The following ITSN1 variants were observed in gnomAD, a reference collection of about 807,000 sequenced individuals.
The protein encoded by ITSN1 is intersectin 1, also known as intersectin-1.
ITSN1 carries 58 observed loss-of-function variants against 239.8 expected under a neutral mutation model. The observed-to-expected ratio is 0.24, with a 90% CI of 0.20 to 0.30. The LOEUF is 0.30. Among genes scored for constraint, ITSN1 ranks in the 10% least tolerant of loss-of-function variants. ITSN1 has a pLI of 1.00. For synonymous variants in ITSN1, 780 were observed against 770.8 expected (o/e 1.01, Z -0.20); for missense variants, 1,558 against 2,103.3 (o/e 0.74, Z 5.07).
Position 33,865,401 on chromosome 21 carries a change from G to A in ITSN1, c.4074+67G>A. ...GATCTTTGGGCAGCTGGATGTGTGA[G>A]GGGCTAATTCAAAAGTCTGCAAGAG... is the stretch of plus-strand genomic sequence containing the variant. On this transcript the variant is annotated intron_variant, in intron 32 of 39. Coordinates refer to ENST00000381318, the MANE Select transcript of ITSN1 (RefSeq NM_003024.3). This position sits in a 1 kb window ranked among gnomAD's most constrained non-coding sequence, Gnocchi z 4.4. 1.5e-6 allele frequency: 2 copies of A among 1,299,224 alleles called. No homozygotes were observed. Among genetic ancestry groups the A allele is most frequent in the South Asian group, 1.5e-5 (1 of 65,328 alleles). 80.5% of individuals were successfully genotyped at this position (1,299,224 alleles called of 1,614,324 possible).
At chr21:33,826,144 G>A (rs2073958634) in intron 25 of ITSN1, among the ~76,000 whole-genome samples, 1 of 152,182 alleles carries the variant, frequency 6.6e-6, no homozygotes, top group Admixed American at 6.5e-5. Context: ...CAACCCCAGA[G>A]CACTTTTTAA....
At chr21:33,770,602 T>C (rs1305261642) in intron 11 of ITSN1, among the ~76,000 whole-genome samples, 1 of 152,164 alleles carries the variant, frequency 6.6e-6, no homozygotes, top group Non-Finnish European at 1.5e-5. Context: ...CCAATCTGCT[T>C]TCTGATTCTT....
rs1381111650 is a variant in ITSN1, at chr21:33,897,397, T to A, written c.*9097T>A. 1 of 152,208 alleles carries A rather than the reference T, an allele frequency of 6.6e-6. No homozygotes were observed. Among genetic ancestry groups the A allele is most frequent in the Non-Finnish European group, 1.5e-5 (1 of 68,034 alleles). 9.4% of individuals were successfully genotyped at this position (152,208 alleles called of 1,614,324 possible). A position where few individuals can be genotyped will look rare whatever the true frequency, so the allele number is the denominator to read the frequency against. On this transcript the variant is annotated 3_prime_UTR_variant, in exon 40 of 40. Coordinates refer to ENST00000381318, the MANE Select transcript of ITSN1 (RefSeq NM_003024.3). ...TTTGTACCCTCACACGTATAGGTGG[T>A]GAACTTATGTGTAAATACATGTGTA...
chr21:33,753,450 A>T (rs929903341), intron 7 of ITSN1, among the ~76,000 whole-genome samples: 1 of 152,000 alleles, frequency 6.6e-6, no homozygotes, highest in African/African-American at 2.4e-5. Flanking sequence ...ATCATCTTAC[A>T]CTAAGTTCCT....
intron 20 of ITSN1, among the ~76,000 whole-genome samples, chr21:33,809,762 G>C (rs1296938167): frequency 6.6e-6 from 1 of 152,134 alleles, no homozygotes; most frequent in Non-Finnish European, 1.5e-5. Context: ...GGTTTCATAA[G>C]ATAAGACCCT....
At chr21:33,822,253 TCA>T (rs2073725628) in intron 24 of ITSN1, among the ~76,000 whole-genome samples, 2 of 152,214 alleles carry the variant, frequency 1.3e-5, no homozygotes, top group Non-Finnish European at 1.5e-5. Context: ...GTTTTAGTTT[TCA>T]TTAGTACCTC....
chr21:33,737,568 T>TTTAA, intron 5 of ITSN1, among the ~76,000 whole-genome samples: 1 of 152,066 alleles, frequency 6.6e-6, no homozygotes, highest in African/African-American at 2.4e-5. Flanking sequence ...TTGTCATTGT[T>TTTAA]TTATTTATTT....
intron 10 of ITSN1, among the ~76,000 whole-genome samples, chr21:33,767,461 A>T (rs984136387): frequency 3.3e-5 from 5 of 152,098 alleles, no homozygotes; most frequent in Admixed American, 3.3e-4. Flanking sequence ...ATTATTAACT[A>T]CTTTCATCCT....
At chr21:33,817,509 CT>C (rs1045980870) in intron 22 of ITSN1, 1 of 1,304,370 alleles carries the variant, frequency 7.7e-7, no homozygotes, top group African/African-American at 1.5e-5. Context: ...GTAGGAACTC[CT>C]TTTTAGTATA....
At chr21:33,788,927 G>T (rs2070885077) in intron 16 of ITSN1, among the ~76,000 whole-genome samples, 1 of 152,020 alleles carries the variant, frequency 6.6e-6, no homozygotes, top group Admixed American at 6.6e-5. Flanking sequence ...ACTCCAGCCT[G>T]GACAACACAT....
intron 1 of ITSN1, among the ~76,000 whole-genome samples, chr21:33,653,013 T>C (rs77411946): frequency 6.6e-6 from 1 of 151,132 alleles, no homozygotes; most frequent in Non-Finnish European, 1.5e-5. Context: ...TTTTTTTTTT[T>C]TGACAGAGTC....
At chr21:33,661,130 T>C (rs911216383) in intron 1 of ITSN1, among the ~76,000 whole-genome samples, 40 of 152,336 alleles carry the variant, frequency 2.6e-4, no homozygotes, top group African/African-American at 9.1e-4. Context: ...CAGTTGTTTT[T>C]CTTGCAGCAT....
At chr21:33,830,134 C>T (rs1024205698) in intron 27 of ITSN1, among the ~76,000 whole-genome samples, 3 of 151,938 alleles carry the variant, frequency 2.0e-5, no homozygotes, top group African/African-American at 7.3e-5. Flanking sequence ...CACATCCATA[C>T]ATCACAGTAT....
chr21:33,735,072 A>G lies in ITSN1; in HGVS notation c.214A>G (p.Arg72Gly), dbSNP rs1337321604. 1 of 1,613,478 alleles carries G rather than the reference A, an allele frequency of 6.2e-7. No homozygotes were observed. The highest frequency in any genetic ancestry group is 1.3e-5 in the African/African-American group (1 of 74,886). The change falls in exon 5 of 40, where the codon AGA becomes GGA. Residue 72 changes from arginine to glycine, a missense_variant. Transcript: ENST00000381318. ...ACTAGCTGACATGAATAATGATGGAAGAATGGATCAAGTGGAGTTTTCCAT... is the reference window on the plus strand; with the variant it reads ...ACTAGCTGACATGAATAATGATGGAGGAATGGATCAAGTGGAGTTTTCCAT... ...WALADMNNDG[R>G]MDQVEFSIAM...
At chr21:33,673,448 C>T (rs2090419308) in intron 1 of ITSN1, among the ~76,000 whole-genome samples, 1 of 152,160 alleles carries the variant, frequency 6.6e-6, no homozygotes, top group African/African-American at 2.4e-5. Context: ...GTAGCCATTT[C>T]ACTGTGTATA....
At chr21:33,676,700 T>C (rs1479749796) in intron 1 of ITSN1, among the ~76,000 whole-genome samples, 1 of 152,188 alleles carries the variant, frequency 6.6e-6, no homozygotes, top group Admixed American at 6.6e-5. Context: ...AGGTATAAAG[T>C]TGGAAAAAGC....
intron 5 of ITSN1, among the ~76,000 whole-genome samples, chr21:33,743,044 A>G (rs1261854747): frequency 6.6e-6 from 1 of 152,230 alleles, no homozygotes; most frequent in East Asian, 1.9e-4. Context: ...AGGCTCATAA[A>G]TAAGGTGACA....
intron 8 of ITSN1, among the ~76,000 whole-genome samples, chr21:33,760,058 C>T (rs1327936303): frequency 1.3e-5 from 2 of 151,282 alleles, no homozygotes; most frequent in African/African-American, 4.9e-5. Flanking sequence ...GCCAAGATGG[C>T]GCCACTGCAC....
At chr21:33,748,701 CGT>C (rs1491546987) in intron 5 of ITSN1, among the ~76,000 whole-genome samples, 3 of 149,148 alleles carry the variant, frequency 2.0e-5, no homozygotes, top group Non-Finnish European at 3.0e-5. Context: ...AAAAAATACA[CGT>C]ATATATATAT....
Sources: allele counts gnomAD v4.1 joint callset (sites outside exome capture counted in the v4.1 genomes callset), GRCh38; gene constraint gnomAD v4.1.1; non-coding constraint Gnocchi (gnomAD v3.1); transcripts MANE v1.5; gene names NCBI Gene and HGNC (gene_info 2026-07-23, HGNC 2026-07-21).